Variants in SAMMSON observed in about 807,000 individuals in gnomAD.
SAMMSON encodes the protein long intergenic non-protein coding RNA 1212.
chr3:70,279,941 C>A (rs1702064570), intron 6 of SAMMSON, among the ~76,000 whole-genome samples: 1 of 152,128 alleles, frequency 6.6e-6, no homozygotes, highest in Non-Finnish European at 1.5e-5. Context: ...TGTCTTTGCT[C>A]CATTACTGTA....
At chr3:70,250,639 C>A (rs997928504) in intron 6 of SAMMSON, among the ~76,000 whole-genome samples, 2 of 152,158 alleles carry the variant, frequency 1.3e-5, no homozygotes, top group African/African-American at 4.8e-5. Flanking sequence ...TTTCAAATTA[C>A]GCTGTGTTTT....
In SAMMSON at chr3:70,028,169, TCC is replaced by T. The variant is rs1559776239; in HGVS notation, n.417+14498_417+14499del. Reference sequence around the variant, plus strand: ...TTCCTTCCTTCCTTCCTTCCTTCCTTCCTTCCTTCCTTCCTTCCTTTCTTTCT... The same window carrying T: ...TTCCTTCCTTCCTTCCTTCCTTCCTTTTCCTTCCTTCCTTCCTTTCTTTCT... On this transcript the variant is annotated intron_variant and non_coding_transcript_variant, in intron 3 of 9. Transcript: ENST00000642114. Among the ~76,000 whole-genome samples, 411 of 148,176 alleles carry T rather than the reference TCC, an allele frequency of 2.8e-3. 2 individuals carry two copies. Among genetic ancestry groups the T allele is most frequent in the African/African-American group, 9.0e-3 (358 of 39,666 alleles).
intron 6 of SAMMSON, among the ~76,000 whole-genome samples, chr3:70,287,328 G>T (rs1322318740): frequency 6.9e-6 from 1 of 145,564 alleles, no homozygotes; most frequent in African/African-American, 2.6e-5. Context: ...TGTGGTTTTT[G>T]TCTTTGGCTG....
intron 2 of SAMMSON, among the ~76,000 whole-genome samples, chr3:70,434,003 C>G (rs1368003796): frequency 1.3e-5 from 2 of 152,156 alleles, no homozygotes; most frequent in African/African-American, 4.8e-5. Flanking sequence ...TTCATCTGTT[C>G]ATCTATTCTT....
intron 2 of SAMMSON, among the ~76,000 whole-genome samples, chr3:70,410,698 G>A (rs945287280): frequency 3.3e-5 from 5 of 152,102 alleles, no homozygotes; most frequent in Middle Eastern, 3.4e-3. Context: ...AATTTGATTA[G>A]GCTATAGCTT....
chr3:70,388,320 T>C (rs1254700430), intron 9 of SAMMSON, among the ~76,000 whole-genome samples: 1 of 152,194 alleles, frequency 6.6e-6, no homozygotes, highest in Non-Finnish European at 1.5e-5. Flanking sequence ...AGTCGAGTGA[T>C]TTTCACATAG....
intron 9 of SAMMSON, among the ~76,000 whole-genome samples, chr3:70,364,513 T>G (rs570669154): frequency 6.0e-4 from 91 of 152,052 alleles, no homozygotes; most frequent in African/African-American, 2.1e-3. Context: ...GAACTTTTTC[T>G]CTTACTACCC....
chr3:70,056,855 A>G (rs1157645659), intron 3 of SAMMSON, among the ~76,000 whole-genome samples: 1 of 152,032 alleles, frequency 6.6e-6, no homozygotes. Context: ...ACAGGAGGCC[A>G]TATTTTGATG....
At chr3:70,385,547 G>C (rs1261953350) in intron 9 of SAMMSON, among the ~76,000 whole-genome samples, 1 of 152,006 alleles carries the variant, frequency 6.6e-6, no homozygotes, top group Non-Finnish European at 1.5e-5. Context: ...GGTGACAATG[G>C]GGGGCACCAA....
At chr3:70,384,006 G>A (rs930580178) in intron 9 of SAMMSON, among the ~76,000 whole-genome samples, 33 of 151,926 alleles carry the variant, frequency 2.2e-4, no homozygotes, top group African/African-American at 7.7e-4. Context: ...TCCTTGGTGG[G>A]GAGTGAAATG....
intron 3 of SAMMSON, among the ~76,000 whole-genome samples, chr3:70,018,289 GCTT>G (rs2066995932): frequency 6.6e-6 from 1 of 152,042 alleles, no homozygotes; most frequent in South Asian, 2.1e-4. Flanking sequence ...CAGAGATTCA[GCTT>G]CTTCCTGGTT....
At position 70,358,627 on chromosome 3, in the gene SAMMSON, T is replaced by C. The variant is rs544297396; in HGVS notation, n.913+303T>C. Among the ~76,000 whole-genome samples the C allele has an allele frequency of 1.4e-4, 22 of 152,260 alleles. No homozygotes were observed. In the South Asian group the frequency reaches 3.5e-3, roughly 24 times the overall value. ...ATGTTAGAAATGAGCATTCTGTGGA[T>C]TGGAAGCTCCACCTGTCATCTCCTA... On this transcript the variant is annotated intron_variant and non_coding_transcript_variant, in intron 9 of 9. Transcript: ENST00000642114.
intron 2 of SAMMSON, among the ~76,000 whole-genome samples, chr3:70,407,195 C>G (rs1041528359): frequency 6.6e-6 from 1 of 152,142 alleles, no homozygotes; most frequent in Non-Finnish European, 1.5e-5. Context: ...TATGGGAGTA[C>G]AATTCAAGAT....
At chr3:70,161,431 A>G (rs1450983643) in intron 4 of SAMMSON, among the ~76,000 whole-genome samples, 3 of 151,964 alleles carry the variant, frequency 2.0e-5, no homozygotes, top group Non-Finnish European at 4.4e-5. Flanking sequence ...TGAGATGATC[A>G]TGTGGTTTTT....
chr3:70,169,025 T>C (rs1051388036), intron 4 of SAMMSON, among the ~76,000 whole-genome samples: 4 of 152,016 alleles, frequency 2.6e-5, no homozygotes, highest in African/African-American at 9.7e-5. Context: ...ATGGCCCCTG[T>C]CCAGAAGGAG....
chr3:70,212,598 C>A (rs1046638226), intron 4 of SAMMSON, among the ~76,000 whole-genome samples: 2 of 152,120 alleles, frequency 1.3e-5, no homozygotes, highest in African/African-American at 2.4e-5. Flanking sequence ...CACATCTGGA[C>A]TCTTTTTCAG....
At chr3:70,084,908 G>A (rs771032260) in intron 4 of SAMMSON, 17 of 152,314 alleles carry the variant, frequency 1.1e-4, no homozygotes, top group Non-Finnish European at 2.1e-4. Context: ...CATTGACAAA[G>A]TAATGGACTG....
intron 6 of SAMMSON, among the ~76,000 whole-genome samples, chr3:70,275,564 T>C (rs1702016662): frequency 6.6e-6 from 1 of 151,994 alleles, no homozygotes; most frequent in Non-Finnish European, 1.5e-5. Context: ...AGGAATTCAG[T>C]CCTTGGGACT....
intron 4 of SAMMSON, among the ~76,000 whole-genome samples, chr3:70,080,020 T>G (rs2067262342): frequency 6.6e-6 from 1 of 152,258 alleles, no homozygotes; most frequent in African/African-American, 2.4e-5. Flanking sequence ...TGCCATGGTT[T>G]AGACCATGGC....
Sources: allele counts gnomAD v4.1 joint callset (sites outside exome capture counted in the v4.1 genomes callset), GRCh38; gene constraint gnomAD v4.1.1; transcripts MANE v1.5; gene names NCBI Gene and HGNC (gene_info 2026-07-23, HGNC 2026-07-21).